Variants in RSU1 observed in about 807,000 individuals in gnomAD.
The protein encoded by RSU1 is Ras suppressor protein 1, also known as rsu-1.
RSU1 carries 26 observed loss-of-function variants against 31.1 expected under a neutral mutation model. The observed-to-expected ratio is 0.84, with a 90% CI of 0.61 to 1.16. The LOEUF is 1.16. RSU1 is among the 50% of genes most tolerant of loss of function. The pLI, the probability that RSU1 is intolerant of heterozygous loss-of-function variation, is 0.00. For synonymous variants in RSU1, 164 were observed against 136.3 expected (o/e 1.20, Z -1.41); for missense variants, 320 against 339.1 (o/e 0.94, Z 0.44).
At chr10:16,817,208 C>T (rs1022193907) in intron 1 of RSU1, 107 bp downstream of exon 1, 25 of 701,994 alleles carry the variant, frequency 3.6e-5, no homozygotes, top group Middle Eastern at 2.6e-4. Context: ...CCGAGGGCGT[C>T]CCAGGGGCTG....
At chr10:16,704,248 G>C (rs1003634649) in intron 7 of RSU1, among the ~76,000 whole-genome samples, 6 of 152,072 alleles carry the variant, frequency 3.9e-5, no homozygotes, top group African/African-American at 1.2e-4. Flanking sequence ...AATAATATTG[G>C]TTTTTATTTG....
chr10:16,800,625 T>G (rs1440014376), intron 2 of RSU1, among the ~76,000 whole-genome samples: 2 of 152,136 alleles, frequency 1.3e-5, no homozygotes, highest in Non-Finnish European at 2.9e-5. Context: ...GGCATGTTGG[T>G]TGATTATAGT....
At chr10:16,617,351 G>C (rs1207132302) in intron 8 of RSU1, among the ~76,000 whole-genome samples, 1 of 152,120 alleles carries the variant, frequency 6.6e-6, no homozygotes, top group African/African-American at 2.4e-5. Context: ...CAAAGAAATG[G>C]AAGAACATTC....
intron 8 of RSU1, among the ~76,000 whole-genome samples, chr10:16,694,390 AT>A (rs1486896698): frequency 1.3e-5 from 2 of 152,192 alleles, no homozygotes; most frequent in Non-Finnish European, 2.9e-5. Flanking sequence ...AACACTTGTA[AT>A]TCTTTGCATT....
intron 7 of RSU1, among the ~76,000 whole-genome samples, chr10:16,751,449 C>T (rs1284402252): frequency 3.9e-5 from 6 of 152,180 alleles, no homozygotes; most frequent in Admixed American, 2.6e-4. Flanking sequence ...ATATGGCTGC[C>T]AACAGAACTC....
chr10:16,724,852 A>G (rs1038807324), intron 7 of RSU1, among the ~76,000 whole-genome samples: 12 of 152,244 alleles, frequency 7.9e-5, no homozygotes, highest in Non-Finnish European at 1.6e-4. Flanking sequence ...AGGAAAATGA[A>G]TGAAATACTG....
intron 8 of RSU1, among the ~76,000 whole-genome samples, chr10:16,614,272 A>G (rs1490704377): frequency 6.6e-6 from 1 of 150,732 alleles, no homozygotes; most frequent in Admixed American, 6.6e-5. Flanking sequence ...AGAACCAGGT[A>G]GTCCATGTTC....
At chr10:16,806,725 G>A (rs984096184) in intron 2 of RSU1, among the ~76,000 whole-genome samples, 1 of 151,936 alleles carries the variant, frequency 6.6e-6, no homozygotes, top group Admixed American at 6.6e-5. Context: ...TCTTTGACAC[G>A]CCCTAAAGAC....
chr10:16,652,306 G>A (rs1174231924), intron 8 of RSU1, among the ~76,000 whole-genome samples: 1 of 139,262 alleles, frequency 7.2e-6, no homozygotes, highest in African/African-American at 2.6e-5. Flanking sequence ...CATGTCATCA[G>A]TAAAAGGAGG....
chr10:16,788,501 G>A (rs1380681044), intron 2 of RSU1, among the ~76,000 whole-genome samples: 3 of 152,176 alleles, frequency 2.0e-5, no homozygotes, highest in African/African-American at 4.8e-5. Context: ...CAAGAAGGTG[G>A]CCTTCCACAA....
intron 7 of RSU1, among the ~76,000 whole-genome samples, chr10:16,722,481 A>C: frequency 6.6e-6 from 1 of 152,150 alleles, no homozygotes; most frequent in African/African-American, 2.4e-5. Context: ...GCCCAACCTC[A>C]GGTCTGTTAC....
chr10:16,771,279 AT>A (rs1837419958), intron 3 of RSU1, among the ~76,000 whole-genome samples: 1 of 152,252 alleles, frequency 6.6e-6, no homozygotes, highest in Non-Finnish European at 1.5e-5. Context: ...TTGCCCCAGC[AT>A]TTGATGAATA....
At chr10:16,728,379 T>A (rs989976169) in intron 7 of RSU1, among the ~76,000 whole-genome samples, 1 of 152,172 alleles carries the variant, frequency 6.6e-6, no homozygotes, top group African/African-American at 2.4e-5. Flanking sequence ...ATCAGTCACA[T>A]ATACACCTAC....
chr10:16,776,492 A>T (rs541155803), intron 3 of RSU1, among the ~76,000 whole-genome samples: 1,350 of 129,772 alleles, frequency 0.01, 23 homozygotes, highest in African/African-American at 0.041. Context: ...AGTGTATATT[A>T]AAAAAAAAAA....
intron 8 of RSU1, among the ~76,000 whole-genome samples, chr10:16,595,425 T>C (rs932898694): frequency 1.3e-5 from 2 of 151,974 alleles, no homozygotes; most frequent in African/African-American, 4.8e-5. Context: ...TCTCACGGAG[T>C]GTAGAACACA....
Position 16,665,099 on chromosome 10 carries a change from A to T in RSU1, c.731+29924T>A, listed in dbSNP as rs564039426. Among the ~76,000 whole-genome samples, 11 of 152,222 alleles carry T rather than the reference A, an allele frequency of 7.2e-5. No homozygotes were observed. In the East Asian group the frequency reaches 2.1e-3, roughly 29 times the overall value. ...GCTGGGATTACAGGCGCATGCTGTC[A>T]CGCTGGGCTAATTTTTGTATTTTCA... On this transcript the variant is annotated intron_variant, in intron 8 of 8. Transcript: ENST00000345264.
intron 8 of RSU1, among the ~76,000 whole-genome samples, chr10:16,645,879 T>TGATAGGAGAAAGCCCGTTCCCCATTTGG (rs1834532898): frequency 8.4e-5 from 9 of 106,546 alleles, no homozygotes; most frequent in African/African-American, 4.8e-4. Context: ...TACATATATG[T>TGATAGGAGAAAGCCCGTTCCCCATTTGG]GTATATACAT....
chr10:16,759,444 T>C (rs2131626680), intron 4 of RSU1, among the ~76,000 whole-genome samples: 1 of 152,282 alleles, frequency 6.6e-6, no homozygotes, highest in Middle Eastern at 3.4e-3. Context: ...GAGGCATAGG[T>C]TGCAGTGAGC....
intron 8 of RSU1, among the ~76,000 whole-genome samples, chr10:16,689,840 C>T (rs548106445): frequency 6.6e-6 from 1 of 152,140 alleles, no homozygotes; most frequent in Non-Finnish European, 1.5e-5. Context: ...GGCAGAATGA[C>T]GAGGAAGCAT....
Sources: allele counts gnomAD v4.1 joint callset (sites outside exome capture counted in the v4.1 genomes callset), GRCh38; gene constraint gnomAD v4.1.1; transcripts MANE v1.5; gene names NCBI Gene and HGNC (gene_info 2026-07-23, HGNC 2026-07-21).